ABCC5: variants seen among roughly 807,000 people sequenced by gnomAD.
The protein encoded by ABCC5 is ATP-binding cassette sub-family C member 5.
A neutral mutation model predicts 160.9 loss-of-function variants in ABCC5; 61 were observed. That is an observed-to-expected ratio of 0.38 (90% CI 0.31 to 0.47). The LOEUF (loss-of-function observed/expected upper bound fraction) is 0.47. ABCC5 is among the 20% of genes least tolerant of loss of function. ABCC5 has a pLI of 0.99. For synonymous variants in ABCC5, 666 were observed against 700.6 expected (o/e 0.95, Z 0.78); for missense variants, 1,308 against 1,813.3 (o/e 0.72, Z 5.06).
chr3:183,996,177 A>G (rs1157842200), intron 2 of ABCC5, among the ~76,000 whole-genome samples: 1 of 152,182 alleles, frequency 6.6e-6, no homozygotes, highest in Admixed American at 6.6e-5. Context: ...GCAATCCATC[A>G]GTATGTTTAC....
Position 183,949,549 on chromosome 3 carries a change from C to T in ABCC5, c.3227+204G>A. Among the ~76,000 whole-genome samples the T allele has an allele frequency of 6.6e-6, 1 of 152,270 alleles. No homozygotes were observed. The highest frequency in any genetic ancestry group is 1.9e-4 in the East Asian group (1 of 5,194). On this transcript the variant is annotated intron_variant, in intron 22 of 29. Transcript: ENST00000334444. This position sits in a 1 kb window ranked among gnomAD's most constrained non-coding sequence, Gnocchi z 4.2. ...ACGTGATGCCGCATGCGGCCCAAAT[C>T]TGTATTTCTGTTTTCTCACTTGCTC...
At chr3:183,984,332 C>T in intron 5 of ABCC5, 1 of 985,840 alleles carries the variant, frequency 1.0e-6, no homozygotes, top group Non-Finnish European at 1.2e-6. Flanking sequence ...ACCAATCCCC[C>T]ACCCTAAAGG....
chr3:183,987,693 C>T lies in ABCC5; in HGVS notation c.591+77G>A. On this transcript the variant is annotated intron_variant, in intron 5 of 29. Transcript: ENST00000334444. This position sits in a 1 kb window ranked among gnomAD's most constrained non-coding sequence, Gnocchi z 4.2. The stretch of plus-strand genomic sequence containing the variant: ...CCTAGCCCAAAGCTGAGCACAACCT[C>T]TGCAACAGAATAAGAGTGTTAGAGC... 1.3e-6 allele frequency: 2 copies of T among 1,598,220 alleles called. No individual in the cohort carries two copies. Among genetic ancestry groups the T allele is most frequent in the Non-Finnish European group, 1.7e-6 (2 of 1,170,572 alleles).
intron 11 of ABCC5, among the ~76,000 whole-genome samples, chr3:183,971,177 T>G (rs371446461): frequency 6.6e-6 from 1 of 152,170 alleles, no homozygotes; most frequent in East Asian, 1.9e-4. Context: ...ACAGTAGCAC[T>G]GAGAATACCT....
rs1423804916 is a variant in ABCC5, at chr3:183,951,832, G to A, written c.2814+25C>T. 1.2e-6 allele frequency: 2 copies of A among 1,605,778 alleles called. No homozygotes were observed. Among genetic ancestry groups the A allele is most frequent in the Non-Finnish European group, 1.7e-6 (2 of 1,174,980 alleles). On this transcript the variant is annotated intron_variant, in intron 19 of 29. Coordinates refer to ENST00000334444, the MANE Select transcript of ABCC5 (RefSeq NM_005688.4). This position sits in a 1 kb window ranked among gnomAD's most constrained non-coding sequence, Gnocchi z 4.7. The stretch of plus-strand genomic sequence containing the variant: ...TGACCACAGGTCACCAGGGAGGAGG[G>A]CAGAGACCACCCACCAATGCATACC...
At chr3:183,931,929 A>C (rs1250862806) in intron 26 of ABCC5, among the ~76,000 whole-genome samples, 3 of 152,256 alleles carry the variant, frequency 2.0e-5, no homozygotes, top group South Asian at 4.1e-4. Flanking sequence ...GTGTCTGAAC[A>C]TGAGGGCAAT....
intron 24 of ABCC5, 53 bp from the exon 25 acceptor site, chr3:183,942,969 G>T (rs1714511203): frequency 1.3e-6 from 2 of 1,527,064 alleles, no homozygotes; most frequent in Non-Finnish European, 1.8e-6. Context: ...TTGGGGAGCT[G>T]CAGGCTTTGT....
At chr3:183,956,385 T>A (rs1715963428) in intron 17 of ABCC5, among the ~76,000 whole-genome samples, 1 of 151,068 alleles carries the variant, frequency 6.6e-6, no homozygotes, top group Non-Finnish European at 1.5e-5. Context: ...CGTGTGTAAA[T>A]CACATAGGTT....
chr3:183,930,571 A>C (rs941822679), intron 26 of ABCC5, among the ~76,000 whole-genome samples: 1 of 152,242 alleles, frequency 6.6e-6, no homozygotes, highest in Non-Finnish European at 1.5e-5. Context: ...CCTTAATCCC[A>C]TATGACTGGT....
chr3:183,977,545 T>A lies in ABCC5; in HGVS notation c.1376A>T (p.Glu459Val). ...AAATCTGTCAACAGCCACTGAGGCTTCTGAGAGGGACTTTACTGAAAACGG... is the reference window on the plus strand; with the variant it reads ...AAATCTGTCAACAGCCACTGAGGCTACTGAGAGGGACTTTACTGAAAACGG... ...VTPFSVKSLS[E>V]ASVAVDRFKS... The change falls in exon 10 of 30, where the codon GAA becomes GTA. Residue 459 changes from glutamate (E) to valine (V), a missense_variant. Physicochemically the swap from Glu to Val is moderately radical, Grantham distance 121. This residue lies in a region of ABCC5 where 1,142 missense variants were observed against 1,527.1 expected (regional missense o/e 0.75). Coordinates refer to ENST00000334444, the MANE Select transcript of ABCC5 (RefSeq NM_005688.4). 1 of 1,614,024 alleles carries A rather than the reference T, an allele frequency of 6.2e-7. No homozygotes were observed. The highest frequency in any genetic ancestry group is 8.5e-7 in the Non-Finnish European group (1 of 1,179,930).
At chr3:183,961,328 C>T (rs1716711798) in intron 16 of ABCC5, among the ~76,000 whole-genome samples, 183 bp downstream of exon 16, 1 of 152,172 alleles carries the variant, frequency 6.6e-6, no homozygotes, top group Non-Finnish European at 1.5e-5. Context: ...GCCCCACAAT[C>T]CTGCTCTCCT....
chr3:183,925,435 G>A lies in ABCC5; in HGVS notation c.4212+120C>T, dbSNP rs193069065. Reference sequence around the variant, plus strand: ...TCCCTCCCAATAGCAAGTAAATAGCGCTGCTGCAAGTGCTTATCTGAATGC... The same window carrying A: ...TCCCTCCCAATAGCAAGTAAATAGCACTGCTGCAAGTGCTTATCTGAATGC... On this transcript the variant is annotated intron_variant, in intron 29 of 29. Coordinates refer to ENST00000334444, the MANE Select transcript of ABCC5 (RefSeq NM_005688.4). 1.9e-4 allele frequency: 185 copies of A among 983,466 alleles called. 2 individuals are homozygous for A. Among genetic ancestry groups the A allele is most frequent in the Admixed American group, 1.1e-3 (41 of 38,842 alleles). 60.9% of individuals were successfully genotyped at this position (983,466 alleles called of 1,614,324 possible). A position where few individuals can be genotyped will look rare whatever the true frequency, so the allele number is the denominator to read the frequency against.
At chr3:183,991,622 T>C (rs1043220320) in intron 2 of ABCC5, among the ~76,000 whole-genome samples, 4 of 152,206 alleles carry the variant, frequency 2.6e-5, no homozygotes, top group Admixed American at 1.3e-4. Flanking sequence ...CAAAGCACAC[T>C]CCTTTCCTTT....
Position 183,951,581 on chromosome 3 carries a change from G to C in ABCC5, c.2815-11C>G, listed in dbSNP as rs1299806371. 8.1e-6 allele frequency: 13 copies of C among 1,613,640 alleles called. No homozygotes were observed. The South Asian group carries it at 8.8e-5, about 11-fold the overall frequency. On this transcript the variant is annotated splice_polypyrimidine_tract_variant and intron_variant, in intron 19 of 29. Transcript: ENST00000334444. This position sits in a 1 kb window ranked among gnomAD's most constrained non-coding sequence, Gnocchi z 4.7. ...AGCTCGCAGCGTGCCCTGAGGAGCA[G>C]AGCACAGAGTGGTCAGGGCCCAGGG...
At chr3:183,971,333 T>C (rs373175959) in intron 11 of ABCC5, among the ~76,000 whole-genome samples, 228 of 152,320 alleles carry the variant, frequency 1.5e-3, no homozygotes, top group African/African-American at 5.1e-3. Flanking sequence ...GAATGTTTCA[T>C]TTCCTTGCTT....
At chr3:184,016,769 A>G (rs1722226070) in intron 1 of ABCC5, among the ~76,000 whole-genome samples, 1 of 152,210 alleles carries the variant, frequency 6.6e-6, no homozygotes, top group African/African-American at 2.4e-5. Flanking sequence ...AATAGGGTTG[A>G]GGCCACTTAG....
At chr3:183,950,379 C>A (rs537160162) in intron 20 of ABCC5, among the ~76,000 whole-genome samples, 2 of 151,946 alleles carry the variant, frequency 1.3e-5, no homozygotes, top group East Asian at 3.9e-4. Flanking sequence ...TCCCCCTTTA[C>A]AAAGTAACTT....
rs75214581 is a variant in ABCC5 at position 183,983,199 on chromosome 3, G to A, written c.592-192C>T. ...ACTCAGGGCATTCTGCAGGAGCTAG[G>A]TCTAATTGCAAACTTTCTTCCTTAC... On this transcript the variant is annotated intron_variant, in intron 5 of 29. Coordinates refer to ENST00000334444, the MANE Select transcript of ABCC5 (RefSeq NM_005688.4). Among the ~76,000 whole-genome samples, 377 of 152,330 alleles carry A rather than the reference G, an allele frequency of 2.5e-3. 4 individuals are homozygous for A. The highest frequency in any genetic ancestry group is 8.3e-3 in the African/African-American group (345 of 41,572).
At chr3:183,943,208 G>A (rs911402922) in intron 24 of ABCC5, among the ~76,000 whole-genome samples, 3 of 152,146 alleles carry the variant, frequency 2.0e-5, no homozygotes, top group East Asian at 3.9e-4. Flanking sequence ...TGCCTTGGGG[G>A]CCAAAGGAAA....
Sources: gnomAD v4.1 joint callset for allele counts (sites outside exome capture counted in the v4.1 genomes callset) on GRCh38, gnomAD v4.1.1 for gene constraint, gnomAD v4.1.1 regional missense constraint, Gnocchi (gnomAD v3.1) non-coding constraint, MANE v1.5 for transcripts, NCBI Gene and HGNC (gene_info 2026-07-23, HGNC 2026-07-21) for gene names.